The following TENM4 variants were observed in gnomAD, a reference collection of about 807,000 sequenced individuals.
TENM4 encodes the protein teneurin-4.
Under a neutral mutation model 243.3 loss-of-function variants are expected in TENM4, and 82 were observed. That is an observed-to-expected ratio of 0.34 (90% CI 0.28 to 0.40). The LOEUF (loss-of-function observed/expected upper bound fraction) is 0.40, where lower values mean the gene tolerates loss of function less well. Ranked by LOEUF, TENM4 falls within the 10% of genes least tolerant of loss-of-function variation. TENM4 has a pLI of 1.00. For synonymous variants in TENM4, 1,412 were observed against 1,456.3 expected, an observed-to-expected ratio of 0.97 and a Z score of 0.69; for missense variants, 3,138 against 3,673.3, an observed-to-expected ratio of 0.85 and a Z score of 3.77.
At chr11:78,853,166 C>T (rs529113425) in intron 12 of TENM4, among the ~76,000 whole-genome samples, 3 of 152,268 alleles carry the variant, frequency 2.0e-5, no homozygotes, top group South Asian at 2.1e-4. Context: ...GTTGATTAAG[C>T]AGAAACCCCA....
chr11:78,952,333 G>A (rs1046852222), intron 6 of TENM4, among the ~76,000 whole-genome samples: 1 of 152,250 alleles, frequency 6.6e-6, no homozygotes, highest in African/African-American at 2.4e-5. Flanking sequence ...ACTCGAGGAA[G>A]GATAGGGCTC....
At chr11:79,222,848 T>C (rs1417754710) in intron 2 of TENM4, among the ~76,000 whole-genome samples, 3 of 152,144 alleles carry the variant, frequency 2.0e-5, no homozygotes, top group Non-Finnish European at 4.4e-5. Flanking sequence ...TTTGATAGGG[T>C]TGTTTTTTTC....
At chr11:78,995,031 G>A (rs1410100743) in intron 6 of TENM4, among the ~76,000 whole-genome samples, 3 of 152,214 alleles carry the variant, frequency 2.0e-5, no homozygotes, top group African/African-American at 7.2e-5. Context: ...AGTAGTGAGT[G>A]AGGTGACAAA....
At position 78,786,993 on chromosome 11, in the gene TENM4, T is replaced by C. The variant is rs1856951274; in HGVS notation, c.2270A>G (p.Gln757Arg). The stretch of plus-strand genomic sequence containing the variant: ...GGCACAGCGCGGGTGGCAGGCCCGC[T>C]GGTCGCAGGCTGCCCCCATCCAGCC... ...EDGWMGAACD[Q>R]RACHPRCAEH... The change falls in exon 16 of 34, where the codon CAG becomes CGG. Residue 757 changes from glutamine (Q) to arginine (R), a missense_variant. Coordinates refer to ENST00000278550, the MANE Select transcript of TENM4 (RefSeq NM_001098816.3). The C allele has an allele frequency of 6.3e-7, 1 of 1,575,740 alleles. No individual in the cohort carries two copies. The highest frequency in any genetic ancestry group is 1.3e-5 in the African/African-American group (1 of 74,160).
intron 4 of TENM4, among the ~76,000 whole-genome samples, chr11:79,125,192 G>A (rs1237565505): frequency 6.6e-6 from 1 of 152,034 alleles, no homozygotes; most frequent in African/African-American, 2.4e-5. Context: ...TTCATTGCTC[G>A]TGAGAAGCAA....
At chr11:79,390,839 G>A (rs1039099790) in intron 1 of TENM4, among the ~76,000 whole-genome samples, 12 of 152,150 alleles carry the variant, frequency 7.9e-5, no homozygotes, top group Admixed American at 7.2e-4. Context: ...GGGAAGTGGG[G>A]GATGAAACTC....
At chr11:79,291,472 C>T (rs1246625389) in intron 2 of TENM4, among the ~76,000 whole-genome samples, 1 of 152,066 alleles carries the variant, frequency 6.6e-6, no homozygotes, top group Non-Finnish European at 1.5e-5. Context: ...GCCAAACATC[C>T]ACCCTAGCAA....
At chr11:78,805,251 T>G in intron 15 of TENM4, 41 bp downstream of exon 15, 1 of 30,792 alleles carries the variant, frequency 3.2e-5, no homozygotes, top group South Asian at 3.6e-4. Context: ...ACAGTGGAAA[T>G]CCCCTCCCTC....
intron 3 of TENM4, among the ~76,000 whole-genome samples, chr11:79,208,869 C>T (rs1023910149): frequency 7.9e-5 from 12 of 152,110 alleles, no homozygotes; most frequent in African/African-American, 2.4e-4. Context: ...TCCTTTCTAC[C>T]AGGGGAATTT....
intron 6 of TENM4, among the ~76,000 whole-genome samples, chr11:78,907,385 T>G (rs1254957526): frequency 6.6e-6 from 1 of 152,104 alleles, no homozygotes; most frequent in African/African-American, 2.4e-5. Context: ...CATTCAGCAT[T>G]TATTGAATGC....
At chr11:79,433,947 A>T (rs1859219990) in intron 1 of TENM4, among the ~76,000 whole-genome samples, 2 of 152,084 alleles carry the variant, frequency 1.3e-5, no homozygotes, top group Non-Finnish European at 2.9e-5. Flanking sequence ...TCCTGAGGTG[A>T]CCTCTCTACC....
chr11:78,905,257 T>C (rs1856036695), intron 6 of TENM4, among the ~76,000 whole-genome samples: 1 of 152,222 alleles, frequency 6.6e-6, no homozygotes, highest in South Asian at 2.1e-4. Flanking sequence ...AGAAGGCTTT[T>C]TGGAAATCAT....
At chr11:78,879,296 C>A (rs1859355703) in intron 9 of TENM4, among the ~76,000 whole-genome samples, 2 of 110,484 alleles carry the variant, frequency 1.8e-5, no homozygotes, top group Admixed American at 1.9e-4. Flanking sequence ...GTGAGGAGCG[C>A]CTTTGCCCAG....
Position 79,134,962 on chromosome 11 carries a change from A to G in TENM4, c.-66+13748T>C, listed in dbSNP as rs150398307. On this transcript the variant is annotated intron_variant, in intron 4 of 33. Transcript: ENST00000278550. ...AGGATTTCATGACCAAGAACCCAAA[A>G]GCAAATACAGTAAAAACAAAGATAA... Among the ~76,000 whole-genome samples, 1,074 of 152,298 alleles carry G rather than the reference A, an allele frequency of 7.1e-3. 15 individuals are homozygous for G. The highest frequency in any genetic ancestry group is 0.064 in the South Asian group (309 of 4,824).
intron 1 of TENM4, among the ~76,000 whole-genome samples, chr11:79,401,549 G>A (rs901736137): frequency 7.2e-5 from 11 of 152,180 alleles, no homozygotes; most frequent in Non-Finnish European, 1.5e-5. Context: ...AAGCACAAGG[G>A]TGTCAGAAAA....
intron 4 of TENM4, among the ~76,000 whole-genome samples, chr11:79,124,592 T>C (rs942286373): frequency 6.0e-5 from 9 of 151,236 alleles, no homozygotes; most frequent in Non-Finnish European, 1.0e-4. Flanking sequence ...ACCCTTATCA[T>C]ATATATATGT....
At chr11:79,074,652 A>G (rs1860492200) in intron 4 of TENM4, among the ~76,000 whole-genome samples, 1 of 151,784 alleles carries the variant, frequency 6.6e-6, no homozygotes, top group Non-Finnish European at 1.5e-5. Flanking sequence ...GACATCCCAT[A>G]CTCTTTAACA....
intron 3 of TENM4, among the ~76,000 whole-genome samples, chr11:79,178,039 T>C (rs773827412): frequency 3.0e-4 from 46 of 151,958 alleles, no homozygotes; most frequent in Non-Finnish European, 1.9e-4. Flanking sequence ...AAGGTGAGGG[T>C]GTGAAGGTGA....
At chr11:79,184,712 T>C (rs955561982) in intron 3 of TENM4, among the ~76,000 whole-genome samples, 4 of 152,262 alleles carry the variant, frequency 2.6e-5, no homozygotes, top group African/African-American at 9.6e-5. Flanking sequence ...TGCCAGGGCC[T>C]GGAGGGAAGG....
Sources: gnomAD v4.1 joint callset for allele counts (sites outside exome capture counted in the v4.1 genomes callset) on GRCh38, gnomAD v4.1.1 for gene constraint, MANE v1.5 for transcripts, NCBI Gene and HGNC (gene_info 2026-07-23, HGNC 2026-07-21) for gene names.